Variants in TMEM163 observed in about 807,000 individuals in gnomAD.
TMEM163 encodes transmembrane protein 163.
In TMEM163, 17 loss-of-function variants were observed where a neutral mutation model predicts 29.3. The observed-to-expected ratio is 0.58, with a 90% confidence interval of 0.40 to 0.87. TMEM163 has a LOEUF of 0.87. TMEM163 is among the 40% of genes least tolerant of loss of function. TMEM163 has a pLI of 0.00. For missense variants in TMEM163, 303 were observed against 381.5 expected (o/e 0.79, Z 1.71); for synonymous variants, 157 against 160.6 (o/e 0.98, Z 0.17).
chr2:134,648,814 A>G (rs1281283628), intron 2 of TMEM163, among the ~76,000 whole-genome samples: 1 of 152,212 alleles, frequency 6.6e-6, no homozygotes, highest in Non-Finnish European at 1.5e-5. Flanking sequence ...TTAAACTGTA[A>G]TATTTCTTAT....
chr2:134,495,096 G>A (rs1558922318), intron 5 of TMEM163, among the ~76,000 whole-genome samples: 1 of 152,240 alleles, frequency 6.6e-6, no homozygotes, highest in African/African-American at 2.4e-5. Context: ...GAACTTGGAT[G>A]TGTCAAAAGG....
chr2:134,594,038 T>C (rs1429939794), intron 2 of TMEM163, among the ~76,000 whole-genome samples: 2 of 152,006 alleles, frequency 1.3e-5, no homozygotes, highest in African/African-American at 4.8e-5. Context: ...ACTACTTAAA[T>C]GAAGAGACAA....
chr2:134,705,201 C>A (rs1366355271), intron 2 of TMEM163, among the ~76,000 whole-genome samples: 1 of 148,894 alleles, frequency 6.7e-6, no homozygotes, highest in Admixed American at 6.6e-5. Flanking sequence ...CAGAGCAAGA[C>A]TCCATCTCAA....
intron 5 of TMEM163, among the ~76,000 whole-genome samples, chr2:134,480,875 A>G (rs1186826020): frequency 1.3e-5 from 2 of 152,234 alleles, no homozygotes; most frequent in Non-Finnish European, 2.9e-5. Context: ...TTAGCATACA[A>G]TAAAGGTACA....
At chr2:134,577,200 A>G (rs913370178) in intron 2 of TMEM163, among the ~76,000 whole-genome samples, 2 of 152,314 alleles carry the variant, frequency 1.3e-5, no homozygotes, top group South Asian at 4.1e-4. Flanking sequence ...GTAGACATGC[A>G]CACGCATAAA....
intron 2 of TMEM163, among the ~76,000 whole-genome samples, chr2:134,675,026 C>T (rs1177908911): frequency 1.3e-5 from 2 of 152,182 alleles, no homozygotes; most frequent in South Asian, 2.1e-4. Flanking sequence ...AGCTCATTTC[C>T]GAGTAAATAT....
chr2:134,523,182 AGT>A (rs1680223790), intron 4 of TMEM163, among the ~76,000 whole-genome samples: 1 of 152,218 alleles, frequency 6.6e-6, no homozygotes, highest in Admixed American at 6.5e-5. Context: ...AGTTCAAAAC[AGT>A]GAGAGAGACA....
chr2:134,611,807 G>A (rs994980685), intron 2 of TMEM163, among the ~76,000 whole-genome samples: 6 of 152,188 alleles, frequency 3.9e-5, no homozygotes, highest in Admixed American at 1.3e-4. Context: ...CCCTCTCAAC[G>A]ACGGCCAGAG....
intron 2 of TMEM163, among the ~76,000 whole-genome samples, chr2:134,597,653 C>T (rs1682118312): frequency 6.6e-6 from 1 of 152,186 alleles, no homozygotes; most frequent in Admixed American, 6.5e-5. Flanking sequence ...AGGATTCCCT[C>T]TTTTTCTATT....
chr2:134,509,118 G>A (rs146072150), intron 4 of TMEM163, among the ~76,000 whole-genome samples: 24 of 152,336 alleles, frequency 1.6e-4, no homozygotes, highest in African/African-American at 5.8e-4. Flanking sequence ...AGTCTCTAGA[G>A]CAGAGCAGAC....
chr2:134,668,732 A>G (rs1187724612), intron 2 of TMEM163, among the ~76,000 whole-genome samples: 1 of 152,060 alleles, frequency 6.6e-6, no homozygotes, highest in Admixed American at 6.5e-5. Context: ...TTAACTGAAT[A>G]TATCTTAAAT....
chr2:134,607,084 C>T (rs1265728695), intron 2 of TMEM163, among the ~76,000 whole-genome samples: 4 of 128,276 alleles, frequency 3.1e-5, no homozygotes, highest in Non-Finnish European at 4.9e-5. Flanking sequence ...GGACAGACCC[C>T]GAGAACTGTG....
intron 2 of TMEM163, among the ~76,000 whole-genome samples, chr2:134,648,604 T>A (rs899487506): frequency 5.9e-5 from 9 of 152,102 alleles, no homozygotes; most frequent in Non-Finnish European, 1.0e-4. Flanking sequence ...AGAACCATCA[T>A]CCAGCTGGCA....
At chr2:134,582,190 G>C (rs61091974) in intron 2 of TMEM163, among the ~76,000 whole-genome samples, 1 of 152,288 alleles carries the variant, frequency 6.6e-6, no homozygotes, top group South Asian at 2.1e-4. Flanking sequence ...GAGGACAAAG[G>C]CTGGGAAGGG....
At chr2:134,468,372 T>C (rs60801920) in intron 5 of TMEM163, 8,075 of 152,432 alleles carry the variant, frequency 0.053, 642 homozygotes, top group East Asian at 0.28. Flanking sequence ...CTGAATCTGC[T>C]GGCACCTTGT....
At chr2:134,658,832 C>T (rs1197450569) in intron 2 of TMEM163, among the ~76,000 whole-genome samples, 2 of 152,218 alleles carry the variant, frequency 1.3e-5, no homozygotes, top group East Asian at 1.9e-4. Flanking sequence ...CACCTGACCT[C>T]GTGATCCGCC....
chr2:134,597,963 C>A (rs1162842653), intron 2 of TMEM163, among the ~76,000 whole-genome samples: 1 of 151,832 alleles, frequency 6.6e-6, no homozygotes, highest in Non-Finnish European at 1.5e-5. Context: ...TGGTGATATC[C>A]CCTTTATCAT....
At chr2:134,604,474 T>C (rs1315390709) in intron 2 of TMEM163, among the ~76,000 whole-genome samples, 3 of 151,958 alleles carry the variant, frequency 2.0e-5, no homozygotes, top group African/African-American at 4.8e-5. Flanking sequence ...GCAAGACATT[T>C]TCTCTAGGTA....
chr2:134,464,840 C>T (rs1686627528), intron 6 of TMEM163, among the ~76,000 whole-genome samples: 4 of 152,096 alleles, frequency 2.6e-5, no homozygotes, highest in South Asian at 2.1e-4. Context: ...AGGGTGGAAA[C>T]GTCACTTTGG....
Sources: gnomAD v4.1 joint callset for allele counts (sites outside exome capture counted in the v4.1 genomes callset) on GRCh38, gnomAD v4.1.1 for gene constraint, MANE v1.5 for transcripts, NCBI Gene and HGNC (gene_info 2026-07-23, HGNC 2026-07-21) for gene names.